Variants in SLCO5A1 observed in about 807,000 individuals in gnomAD.
The protein encoded by SLCO5A1 is organic anion transporter polypeptide-related protein 4.
In SLCO5A1, 39 loss-of-function variants were observed where a neutral mutation model predicts 65.1. The observed-to-expected ratio is 0.60, with a 90% CI of 0.46 to 0.78. SLCO5A1 has a LOEUF of 0.78. Ranked by LOEUF, SLCO5A1 falls within the 30% of genes least tolerant of loss-of-function variation. The pLI is 0.00. For synonymous variants in SLCO5A1, 438 were observed against 415.7 expected, an observed-to-expected ratio of 1.05 and a Z score of -0.65; for missense variants, 1,029 against 1,069.4, an observed-to-expected ratio of 0.96 and a Z score of 0.53.
intron 2 of SLCO5A1, among the ~76,000 whole-genome samples, chr8:69,773,129 C>T (rs1425393593): frequency 2.0e-5 from 3 of 152,164 alleles, no homozygotes; most frequent in Non-Finnish European, 4.4e-5. Flanking sequence ...ACTGGCCACA[C>T]TCAGGGAGAG....
intron 5 of SLCO5A1, among the ~76,000 whole-genome samples, chr8:69,707,499 G>A (rs901254351): frequency 6.6e-6 from 1 of 152,204 alleles, no homozygotes; most frequent in Non-Finnish European, 1.5e-5. Context: ...GCAGCTGGGA[G>A]GTGGAAAGAC....
At chr8:69,710,803 G>A (rs1815207134) in intron 5 of SLCO5A1, among the ~76,000 whole-genome samples, 1 of 152,076 alleles carries the variant, frequency 6.6e-6, no homozygotes, top group Non-Finnish European at 1.5e-5. Flanking sequence ...ACCAAACAGA[G>A]TGAAGACCCA....
intron 2 of SLCO5A1, among the ~76,000 whole-genome samples, chr8:69,807,055 TAAAGC>T (rs1820023445): frequency 1.3e-5 from 2 of 152,186 alleles, no homozygotes; most frequent in African/African-American, 4.8e-5. Flanking sequence ...GCAAAAAGAA[TAAAGC>T]TGGAGGCATC....
At chr8:69,745,550 T>C (rs954981804) in intron 4 of SLCO5A1, among the ~76,000 whole-genome samples, 1 of 152,196 alleles carries the variant, frequency 6.6e-6, no homozygotes, top group African/African-American at 2.4e-5. Context: ...TACCCAGGTA[T>C]AAATTATGAG....
intron 2 of SLCO5A1, among the ~76,000 whole-genome samples, chr8:69,820,007 G>A (rs1586834019): frequency 1.3e-5 from 2 of 152,262 alleles, no homozygotes. Context: ...CTGCGTACTA[G>A]GGCAACCGTG....
chr8:69,727,951 A>G (rs1201581144), intron 5 of SLCO5A1, among the ~76,000 whole-genome samples: 1 of 152,212 alleles, frequency 6.6e-6, no homozygotes, highest in Non-Finnish European at 1.5e-5. Flanking sequence ...TTTAAAAGGA[A>G]CAAGTATAAT....
intron 5 of SLCO5A1, among the ~76,000 whole-genome samples, chr8:69,712,906 G>A (rs1175068008): frequency 6.6e-6 from 1 of 152,074 alleles, no homozygotes; most frequent in African/African-American, 2.4e-5. Context: ...CTGGAACTAG[G>A]TTGTATCCCA....
At chr8:69,788,958 C>T (rs1004482204) in intron 2 of SLCO5A1, among the ~76,000 whole-genome samples, 3 of 152,224 alleles carry the variant, frequency 2.0e-5, no homozygotes, top group Non-Finnish European at 4.4e-5. Flanking sequence ...ATTCTGGAAT[C>T]CACGTCTACT....
At chr8:69,781,731 C>T (rs1437238268) in intron 2 of SLCO5A1, among the ~76,000 whole-genome samples, 1 of 152,060 alleles carries the variant, frequency 6.6e-6, no homozygotes, top group African/African-American at 2.4e-5. Context: ...GATCTCGGCT[C>T]ATCACAACCT....
intron 2 of SLCO5A1, among the ~76,000 whole-genome samples, chr8:69,805,848 G>T (rs77203570): frequency 6.6e-6 from 1 of 152,184 alleles, no homozygotes; most frequent in South Asian, 2.1e-4. Context: ...TTTCCAAATC[G>T]TGAAGGTGGT....
chr8:69,723,465 A>G (rs1475215560), intron 5 of SLCO5A1, among the ~76,000 whole-genome samples: 13 of 151,700 alleles, frequency 8.6e-5, no homozygotes, highest in Non-Finnish European at 5.9e-5. Flanking sequence ...TATGTTGCCC[A>G]GGCTCAAACT....
rs115689524 is a variant in SLCO5A1, at chr8:69,775,016, C to G, written c.908-13141G>C. Among the ~76,000 whole-genome samples the G allele has an allele frequency of 7.0e-3, 1,068 of 152,218 alleles. 12 individuals are homozygous for G. The highest frequency in any genetic ancestry group is 0.025 in the African/African-American group (1,022 of 41,550). On this transcript the variant is annotated intron_variant, in intron 2 of 9. Coordinates refer to ENST00000260126, the MANE Select transcript of SLCO5A1 (RefSeq NM_030958.3). ...CTTTGATCTCAGTTATTTTGTGCAG[C>G]AATTTTTTTTTTATTTTAAGTGATT...
At chr8:69,798,611 A>T (rs969199658) in intron 2 of SLCO5A1, among the ~76,000 whole-genome samples, 1 of 152,146 alleles carries the variant, frequency 6.6e-6, no homozygotes, top group Non-Finnish European at 1.5e-5. Context: ...TTCATGAGTG[A>T]CCACCCCCAT....
chr8:69,679,627 A>T lies in SLCO5A1; in HGVS notation c.1783-8T>A, dbSNP rs1340538594. The T allele has an allele frequency of 6.2e-7, 1 of 1,612,790 alleles. No homozygotes were observed. Among genetic ancestry groups the T allele is most frequent in the South Asian group, 1.1e-5 (1 of 91,020 alleles). On this transcript the variant is annotated splice_region_variant and splice_polypyrimidine_tract_variant and intron_variant, in intron 7 of 9. Transcript: ENST00000260126. ...TTCTGTATAATTCCGTATCTAAGTGAGCAAAATAAAGATGAGTTGTGTGCC... is the reference window on the plus strand; with the variant it reads ...TTCTGTATAATTCCGTATCTAAGTGTGCAAAATAAAGATGAGTTGTGTGCC...
At chr8:69,758,062 A>G (rs1197645924) in intron 3 of SLCO5A1, among the ~76,000 whole-genome samples, 1 of 152,188 alleles carries the variant, frequency 6.6e-6, no homozygotes, top group Non-Finnish European at 1.5e-5. Flanking sequence ...ATGTTTGGGG[A>G]TCATCAAAAT....
At chr8:69,787,265 T>C (rs1819072519) in intron 2 of SLCO5A1, among the ~76,000 whole-genome samples, 1 of 152,234 alleles carries the variant, frequency 6.6e-6, no homozygotes, top group African/African-American at 2.4e-5. Context: ...CAAATGATTT[T>C]CCCGCATTGG....
At chr8:69,803,255 A>G (rs1345274809) in intron 2 of SLCO5A1, among the ~76,000 whole-genome samples, 2 of 152,084 alleles carry the variant, frequency 1.3e-5, no homozygotes, top group African/African-American at 4.8e-5. Flanking sequence ...ATCTCTACTA[A>G]AAATACAAAA....
chr8:69,770,388 A>G (rs558877637), intron 2 of SLCO5A1, among the ~76,000 whole-genome samples: 20 of 152,344 alleles, frequency 1.3e-4, no homozygotes, highest in Middle Eastern at 3.4e-3. Context: ...TGAGCCCACG[A>G]GTTCAAGACT....
intron 2 of SLCO5A1, among the ~76,000 whole-genome samples, chr8:69,783,463 A>AT (rs1478635287): frequency 1.3e-5 from 2 of 151,904 alleles, no homozygotes; most frequent in Admixed American, 6.6e-5. Flanking sequence ...CCTACGAAAA[A>AT]TTTTTTAAAT....
Sources: allele counts gnomAD v4.1 joint callset (sites outside exome capture counted in the v4.1 genomes callset), GRCh38; gene constraint gnomAD v4.1.1; transcripts MANE v1.5; gene names NCBI Gene and HGNC (gene_info 2026-07-23, HGNC 2026-07-21).